The following ADCY1 variants were observed in gnomAD, a reference collection of about 807,000 sequenced individuals.
The protein encoded by ADCY1 is adenylate cyclase type 1.
ADCY1 carries 28 observed loss-of-function variants against 105.4 expected under a neutral mutation model. The ratio of observed to expected loss-of-function variants is 0.27; its 90% CI spans 0.20 to 0.36. The LOEUF is 0.36. Among genes scored for constraint, ADCY1 ranks in the 10% least tolerant of loss-of-function variants. The probability of loss-of-function intolerance (pLI) is 1.00; values close to 1 mark genes in which losing one functional copy is unlikely to be tolerated. For synonymous variants in ADCY1, 655 were observed against 623.8 expected (o/e 1.05, Z -0.75); for missense variants, 977 against 1,434.2 (o/e 0.68, Z 5.15).
intron 1 of ADCY1, among the ~76,000 whole-genome samples, chr7:45,585,635 A>G (rs1026873454): frequency 1.3e-4 from 20 of 151,874 alleles, no homozygotes; most frequent in Admixed American, 1.3e-3. Flanking sequence ...TTTAGTAGAG[A>G]TGGGGTTTCT....
chr7:45,598,204 C>T (rs1031005698), intron 2 of ADCY1, among the ~76,000 whole-genome samples: 2 of 152,114 alleles, frequency 1.3e-5, no homozygotes, highest in Non-Finnish European at 1.5e-5. Context: ...GGAAAGATAA[C>T]GGAGCGAATA....
rs550022612 is a variant in ADCY1 at position 45,662,042 on chromosome 7, C to T, written c.1450-17C>T. The T allele has an allele frequency of 2.5e-6, 4 of 1,610,872 alleles. No homozygotes were observed. Among genetic ancestry groups the T allele is most frequent in the South Asian group, 2.2e-5 (2 of 90,616 alleles). On this transcript the variant is annotated splice_polypyrimidine_tract_variant and intron_variant, in intron 7 of 19. Transcript: ENST00000297323. ...TCATTCACAGCATTTCTCCTTGCCCCTTGTGTGTTTGGACAGATATTTCCA... is the reference window on the plus strand; with the variant it reads ...TCATTCACAGCATTTCTCCTTGCCCTTTGTGTGTTTGGACAGATATTTCCA...
chr7:45,601,537 T>G (rs1352761131), intron 2 of ADCY1, among the ~76,000 whole-genome samples: 1 of 152,084 alleles, frequency 6.6e-6, no homozygotes, highest in Non-Finnish European at 1.5e-5. Context: ...TTGTTTGTTT[T>G]TTTTTCCAGT....
At chr7:45,711,012 T>C (rs1785221028) in intron 19 of ADCY1, among the ~76,000 whole-genome samples, 1 of 151,978 alleles carries the variant, frequency 6.6e-6, no homozygotes, top group African/African-American at 2.4e-5. Context: ...TTCTTGTGTG[T>C]TTGAAGGGAG....
intron 3 of ADCY1, among the ~76,000 whole-genome samples, chr7:45,621,146 A>G (rs935854016): frequency 1.4e-4 from 21 of 152,014 alleles, no homozygotes; most frequent in African/African-American, 4.8e-5. Context: ...GCTCACTGCA[A>G]CCTCCACCTC....
intron 1 of ADCY1, among the ~76,000 whole-genome samples, chr7:45,580,001 G>A (rs1792481254): frequency 6.6e-6 from 1 of 151,196 alleles, no homozygotes; most frequent in South Asian, 2.1e-4. Flanking sequence ...GTAGGGGTGG[G>A]TGGTCCCCTG....
chr7:45,590,115 C>T (rs1022205178), intron 1 of ADCY1, among the ~76,000 whole-genome samples: 1 of 152,076 alleles, frequency 6.6e-6, no homozygotes, highest in Non-Finnish European at 1.5e-5. Flanking sequence ...GGCCGCCAAT[C>T]CCCCCAGCCT....
chr7:45,580,951 C>G (rs953637089), intron 1 of ADCY1, among the ~76,000 whole-genome samples: 6 of 152,156 alleles, frequency 3.9e-5, no homozygotes, highest in African/African-American at 1.4e-4. Flanking sequence ...TGTCACATCT[C>G]TGAGGTTGAG....
chr7:45,662,354 G>A, intron 8 of ADCY1, 140 bp downstream of exon 8: 1 of 946,750 alleles, frequency 1.1e-6, no homozygotes, highest in Non-Finnish European at 1.5e-6. Flanking sequence ...ATGCTGCTCA[G>A]AGCTGAGCTA....
At chr7:45,598,610 C>T (rs1231936710) in intron 2 of ADCY1, among the ~76,000 whole-genome samples, 2 of 151,980 alleles carry the variant, frequency 1.3e-5, no homozygotes, top group East Asian at 1.9e-4. Context: ...GGCCAAATTT[C>T]CAGAAAAAGT....
intron 2 of ADCY1, among the ~76,000 whole-genome samples, chr7:45,602,644 G>A (rs73116299): frequency 0.039 from 5,985 of 152,230 alleles, 182 homozygotes; most frequent in Non-Finnish European, 0.06. Context: ...CTGGCCAATG[G>A]ACAGCACCTT....
intron 2 of ADCY1, among the ~76,000 whole-genome samples, chr7:45,602,597 T>C (rs1793268425): frequency 6.6e-6 from 1 of 152,250 alleles, no homozygotes. Flanking sequence ...AAAGAAGACT[T>C]CCATTTAAGT....
At chr7:45,685,734 C>T (rs2116209578) in intron 12 of ADCY1, among the ~76,000 whole-genome samples, 1 of 152,280 alleles carries the variant, frequency 6.6e-6, no homozygotes, top group South Asian at 2.1e-4. Flanking sequence ...GCAGGCAGGG[C>T]TGATCCCACC....
intron 8 of ADCY1, among the ~76,000 whole-genome samples, chr7:45,674,867 T>C (rs1005153940): frequency 6.6e-6 from 1 of 152,234 alleles, no homozygotes; most frequent in East Asian, 1.9e-4. Context: ...ACTCCTACTT[T>C]CTTTAGATTA....
intron 4 of ADCY1, among the ~76,000 whole-genome samples, chr7:45,624,673 A>G (rs962904251): frequency 1.6e-4 from 24 of 152,246 alleles, no homozygotes; most frequent in African/African-American, 4.6e-4. Context: ...CTGGTCTGCA[A>G]TGCCCTTGCA....
chr7:45,578,287 C>G (rs1792412156), intron 1 of ADCY1, among the ~76,000 whole-genome samples: 1 of 152,172 alleles, frequency 6.6e-6, no homozygotes, highest in African/African-American at 2.4e-5. Context: ...TTGTTCCTAC[C>G]TGGGCCGGCA....
intron 8 of ADCY1, among the ~76,000 whole-genome samples, chr7:45,671,134 C>T (rs1201970514): frequency 6.6e-6 from 1 of 152,176 alleles, no homozygotes; most frequent in East Asian, 1.9e-4. Context: ...CAGAGGTTCC[C>T]CTTGAGTATG....
At chr7:45,612,076 C>T (rs578169987) in intron 3 of ADCY1, among the ~76,000 whole-genome samples, 37 of 152,302 alleles carry the variant, frequency 2.4e-4, no homozygotes, top group Middle Eastern at 6.8e-3. Context: ...GCTCAGCAGT[C>T]ACTGTTCTGA....
Position 45,718,538 on chromosome 7 carries a change from CACAT to C in ADCY1, c.*4546_*4549del, listed in dbSNP as rs1184392102. On this transcript the variant is annotated 3_prime_UTR_variant, in exon 20 of 20. Transcript: ENST00000297323. ...AGAGAGGGGTCTTATTCGAGGAACT[CACAT>C]ACCCCAAATAACCATCAGTGCACAA... is the stretch of plus-strand genomic sequence containing the variant. 2 of 152,246 alleles carry C rather than the reference CACAT, an allele frequency of 1.3e-5. No individual in the cohort carries two copies. The highest frequency in any genetic ancestry group is 4.8e-5 in the African/African-American group (2 of 41,456). The allele number at this position is 152,246 out of a possible 1,614,324, so 9.4% of individuals were successfully genotyped here.
Sources: allele counts gnomAD v4.1 joint callset (sites outside exome capture counted in the v4.1 genomes callset), GRCh38; gene constraint gnomAD v4.1.1; transcripts MANE v1.5; gene names NCBI Gene and HGNC (gene_info 2026-07-23, HGNC 2026-07-21).